The following BCOR variants were observed in gnomAD, a reference collection of about 807,000 sequenced individuals.
BCOR encodes BCL-6 corepressor.
A neutral mutation model predicts 86.7 loss-of-function variants in BCOR; 10 were observed. The observed-to-expected ratio is 0.12, with a 90% CI of 0.07 to 0.20. The LOEUF (loss-of-function observed/expected upper bound fraction) is 0.20. Ranked by LOEUF, BCOR falls within the 10% of genes least tolerant of loss-of-function variation. BCOR has a pLI of 1.00. For missense variants in BCOR, 1,259 were observed against 1,452.1 expected (o/e 0.87, Z 2.16); for synonymous variants, 611 against 609.0 (o/e 1.00, Z -0.05).
intron 6 of BCOR, among the ~76,000 whole-genome samples, chrX:40,070,499 C>T (rs975973913): frequency 8.9e-6 from 1 of 111,829 alleles, no homozygotes; most frequent in South Asian, 3.8e-4. Context: ...TGCCAGGCTG[C>T]CTTGGGATTC....
intron 1 of BCOR, among the ~76,000 whole-genome samples, chrX:40,117,028 GGAGGA>G (rs1431783689): frequency 8.9e-6 from 1 of 112,437 alleles, no homozygotes; most frequent in Middle Eastern, 4.2e-3. Flanking sequence ...CAGGGAACCC[GGAGGA>G]GAGAAGATCA....
intron 12 of BCOR, among the ~76,000 whole-genome samples, chrX:40,054,670 T>C (rs1406680888): frequency 9.0e-6 from 1 of 111,666 alleles, no homozygotes; most frequent in East Asian, 2.8e-4. Context: ...GCCCAGCTAA[T>C]TTTTGTATTT....
At chrX:40,128,279 C>T (rs1187583009) in intron 1 of BCOR, among the ~76,000 whole-genome samples, 1 of 110,350 alleles carries the variant, frequency 9.1e-6, no homozygotes, top group African/African-American at 3.3e-5. Flanking sequence ...GGTGCAGCGG[C>T]TCACAGCTGT....
At chrX:40,145,601 T>C (rs1389755153) in intron 1 of BCOR, among the ~76,000 whole-genome samples, 1 of 111,517 alleles carries the variant, frequency 9.0e-6, no homozygotes, top group Admixed American at 9.5e-5. Flanking sequence ...TCCTCCCAGG[T>C]TTCGGTCCCA....
chrX:40,160,291 AT>A (rs1274351888), intron 1 of BCOR, among the ~76,000 whole-genome samples: 7 of 104,916 alleles, frequency 6.7e-5, no homozygotes, highest in African/African-American at 6.9e-5. Context: ...AATTTTGTGT[AT>A]TTTTTTTTTA....
chrX:40,151,437 C>G (rs1347014691), intron 1 of BCOR, among the ~76,000 whole-genome samples: 1 of 113,134 alleles, frequency 8.8e-6, no homozygotes, highest in Non-Finnish European at 1.9e-5. Context: ...ACAGGGAGGA[C>G]CATGGCCTTC....
chrX:40,150,075 C>T (rs768038103), intron 1 of BCOR, among the ~76,000 whole-genome samples: 1 of 112,553 alleles, frequency 8.9e-6, no homozygotes, highest in Non-Finnish European at 1.9e-5. Flanking sequence ...GAGCAAGCTC[C>T]CAGGATGCAT....
chrX:40,105,148 G>A (rs1176120007), intron 1 of BCOR, among the ~76,000 whole-genome samples: 1 of 110,891 alleles, frequency 9.0e-6, no homozygotes, highest in Non-Finnish European at 1.9e-5. Flanking sequence ...GCGCGCGGCC[G>A]TTCCCGCGGG....
chrX:40,072,621 C>G lies in BCOR; in HGVS notation c.2725G>C (p.Gly909Arg). 8.3e-7 allele frequency: 1 copy of G among 1,212,076 alleles called. No individual in the cohort carries two copies. Among genetic ancestry groups the G allele is most frequent in the Non-Finnish European group, 1.1e-6 (1 of 895,608 alleles). Residue 909 changes from glycine (G) to arginine (R), a missense_variant, in exon 4 of 15, where the codon GGC becomes CGC. Transcript: ENST00000378444. ...GTTTTACCAAAAGTTACAGCAGGGC[C>G]ATCGCTCCCCAGAGGTGGCTCCAGG... The part of the protein sequence containing the change: ...PFLEPPLGSD[G>R]PAVTFGKTQE...
At chrX:40,064,262 A>G in intron 7 of BCOR, 74 bp downstream of exon 7, 1 of 1,190,853 alleles carries the variant, frequency 8.4e-7, no homozygotes. Context: ...GCACATCCAC[A>G]TCTCCTGTCC....
At chrX:40,057,736 T>TC (rs1235376040) in intron 10 of BCOR, among the ~76,000 whole-genome samples, 1 of 112,264 alleles carries the variant, frequency 8.9e-6, no homozygotes, top group African/African-American at 3.2e-5. Flanking sequence ...AAGGACATCC[T>TC]CCTCACTCAA....
chrX:40,080,821 TG>T (rs1196800436), intron 1 of BCOR, among the ~76,000 whole-genome samples: 137 of 6,344 alleles, frequency 0.022, 2 homozygotes, highest in African/African-American at 0.16. Context: ...CTGTCGTGTG[TG>T]TGTGTGTGTG....
intron 1 of BCOR, among the ~76,000 whole-genome samples, chrX:40,104,932 G>C (rs1448078990): frequency 9.0e-6 from 1 of 111,348 alleles, no homozygotes; most frequent in Admixed American, 9.3e-5. Context: ...CAGGCGGGGA[G>C]AGGGTGCGGG....
chrX:40,168,790 G>C (rs1233585329), intron 1 of BCOR, among the ~76,000 whole-genome samples: 1 of 113,581 alleles, frequency 8.8e-6, no homozygotes, highest in African/African-American at 3.2e-5. Flanking sequence ...CAGCAGCCCA[G>C]GCAAATATGT....
chrX:40,156,021 A>G (rs59966151), intron 1 of BCOR, among the ~76,000 whole-genome samples: 37,864 of 112,673 alleles, frequency 0.34, 7,065 homozygotes, highest in African/African-American at 0.73. Context: ...TCACTTAGGA[A>G]TCCGCGCGTC....
upstream of BCOR, among the ~76,000 whole-genome samples, chrX:40,099,331 G>A (rs950936118): frequency 2.7e-5 from 3 of 111,828 alleles, no homozygotes; most frequent in South Asian, 1.1e-3. Flanking sequence ...CTGGCGGGAA[G>A]GGGTAGGAGT....
chrX:40,058,131 T>C (rs1934691710), intron 10 of BCOR, among the ~76,000 whole-genome samples: 1 of 112,588 alleles, frequency 8.9e-6, no homozygotes, highest in Admixed American at 9.4e-5. Context: ...AATCCTTCCC[T>C]TCCCCCTTTG....
intron 4 of BCOR, chrX:40,071,896 A>C (rs2147191920): frequency 2.5e-6 from 1 of 405,629 alleles, no homozygotes; most frequent in Non-Finnish European, 4.3e-6. Context: ...CCTTTAAGCA[A>C]CCTTTTTTCT....
chrX:40,111,004 C>T (rs1427774347), intron 1 of BCOR, among the ~76,000 whole-genome samples: 6 of 110,584 alleles, frequency 5.4e-5, no homozygotes, highest in Non-Finnish European at 1.1e-4. Flanking sequence ...TGAGCCACCA[C>T]GCCCGGCCGA....
Sources: gnomAD v4.1 joint callset for allele counts (sites outside exome capture counted in the v4.1 genomes callset) on GRCh38, gnomAD v4.1.1 for gene constraint, MANE v1.5 for transcripts, NCBI Gene and HGNC (gene_info 2026-07-23, HGNC 2026-07-21) for gene names.